The following GNB1L variants were observed in gnomAD, a reference collection of about 807,000 sequenced individuals.
The protein encoded by GNB1L is guanine nucleotide-binding protein subunit beta-like protein 1.
In GNB1L, 20 loss-of-function variants were observed where a neutral mutation model predicts 29.1. The ratio of observed to expected loss-of-function variants is 0.69; its 90% CI spans 0.48 to 1.00. GNB1L has a LOEUF of 1.00. GNB1L is among the 50% of genes least tolerant of loss of function. The pLI is 0.00. For synonymous variants in GNB1L, 193 were observed against 206.5 expected (o/e 0.93, Z 0.56); for missense variants, 421 against 464.9 (o/e 0.91, Z 0.87).
chr22:19,847,347 T>C, intron 2 of GNB1L: 3 of 985,474 alleles, frequency 3.0e-6, no homozygotes, highest in Non-Finnish European at 3.6e-6. Flanking sequence ...ACAGCTTTAT[T>C]TGCCTTGCTC....
chr22:19,813,144 C>T (rs1172634630), intron 4 of GNB1L, among the ~76,000 whole-genome samples: 1 of 152,134 alleles, frequency 6.6e-6, no homozygotes, highest in Non-Finnish European at 1.5e-5. Flanking sequence ...TGGGCAGATG[C>T]ACAGACAGAA....
chr22:19,840,576 G>A (rs1002344717), intron 2 of GNB1L, among the ~76,000 whole-genome samples: 2 of 152,136 alleles, frequency 1.3e-5, no homozygotes, highest in Non-Finnish European at 2.9e-5. Context: ...TTGGGAGGTC[G>A]AGGCGGGTGG....
At chr22:19,849,713 A>G in intron 2 of GNB1L, 1 of 985,372 alleles carries the variant, frequency 1.0e-6, no homozygotes, top group South Asian at 4.7e-5. Flanking sequence ...AGTTTTTCCT[A>G]AAATAGTTGG....
At chr22:19,810,889 G>A (rs906190730) in intron 5 of GNB1L, among the ~76,000 whole-genome samples, 13 of 152,246 alleles carry the variant, frequency 8.5e-5, no homozygotes, top group Non-Finnish European at 1.9e-4. Context: ...TGAAAGCTAG[G>A]AGGAGGGTTA....
intron 2 of GNB1L, among the ~76,000 whole-genome samples, chr22:19,844,842 G>C (rs1458122492): frequency 6.6e-6 from 1 of 152,224 alleles, no homozygotes; most frequent in African/African-American, 2.4e-5. Flanking sequence ...AAAGCTCACT[G>C]CTTTACAGGA....
At chr22:19,813,850 G>T (rs1937515351) in intron 4 of GNB1L, among the ~76,000 whole-genome samples, 1 of 152,064 alleles carries the variant, frequency 6.6e-6, no homozygotes, top group Admixed American at 6.6e-5. Context: ...ACAAAAATTG[G>T]CCAGGCATGG....
intron 7 of GNB1L, among the ~76,000 whole-genome samples, chr22:19,798,956 C>T (rs1235305744): frequency 1.3e-5 from 2 of 152,210 alleles, no homozygotes; most frequent in Non-Finnish European, 2.9e-5. Flanking sequence ...CAAGCCTCTC[C>T]TCCTGATGCG....
chr22:19,849,051 G>A lies in GNB1L; in HGVS notation c.-21+5392C>T, dbSNP rs568843963. 7 of 985,484 alleles carry A rather than the reference G, an allele frequency of 7.1e-6. No homozygotes were observed. The East Asian group carries it at 6.8e-4, about 96-fold the overall frequency. The allele number at this position is 985,484 out of a possible 1,614,324, so 61.0% of individuals were successfully genotyped here. On this transcript the variant is annotated intron_variant, in intron 2 of 7. Coordinates refer to ENST00000329517, the MANE Select transcript of GNB1L (RefSeq NM_053004.3). ...AGGGGGGATGGGGCCTGAGTCATCG[G>A]ACGGAGGGCAGCTGTGACCTGGCAC...
chr22:19,839,933 C>T (rs1037916236), intron 2 of GNB1L, among the ~76,000 whole-genome samples: 1 of 151,636 alleles, frequency 6.6e-6, no homozygotes, highest in Non-Finnish European at 1.5e-5. Flanking sequence ...TGTGTTGGCA[C>T]ATGTCTGTAG....
At chr22:19,844,058 A>G (rs1224103606) in intron 2 of GNB1L, among the ~76,000 whole-genome samples, 1 of 152,124 alleles carries the variant, frequency 6.6e-6, no homozygotes, top group East Asian at 1.9e-4. Flanking sequence ...CCAGAGACTG[A>G]GACCCACAGT....
chr22:19,815,525 G>A (rs1355394133), intron 4 of GNB1L, among the ~76,000 whole-genome samples: 1 of 152,232 alleles, frequency 6.6e-6, no homozygotes, highest in African/African-American at 2.4e-5. Flanking sequence ...CGCTCATATG[G>A]AGGGCACCCA....
At chr22:19,789,043 C>T (rs1937222468) in intron 7 of GNB1L, 83 bp from the exon 8 acceptor site, 1 of 1,430,212 alleles carries the variant, frequency 7.0e-7, no homozygotes, top group Admixed American at 2.0e-5. Flanking sequence ...GCAGCTGGAA[C>T]CAGGAGAGAC....
chr22:19,850,852 A>G (rs1938077824), intron 2 of GNB1L: 1 of 1,307,638 alleles, frequency 7.6e-7, no homozygotes, highest in East Asian at 2.8e-5. Context: ...TGATGCAACT[A>G]TCTGCTGAGA....
intron 2 of GNB1L, among the ~76,000 whole-genome samples, chr22:19,828,992 C>T (rs763459863): frequency 3.9e-5 from 6 of 152,130 alleles, no homozygotes; most frequent in Non-Finnish European, 8.8e-5. Context: ...CCACAGTGCC[C>T]GGCTAATTTC....
At position 19,790,416 on chromosome 22, in the gene GNB1L, A is replaced by G. The variant is rs151121933; in HGVS notation, c.733-1456T>C. Among the ~76,000 whole-genome samples the G allele has an allele frequency of 3.2e-3, 492 of 152,264 alleles. 1 individual carries two copies. Among genetic ancestry groups the G allele is most frequent in the African/African-American group, 0.011 (450 of 41,542 alleles). Reference sequence around the variant, plus strand: ...AGAGATTATCTGAGAACCCCCCACCATAAGTAATGACAAAAATAGCATTAT... The same window carrying G: ...AGAGATTATCTGAGAACCCCCCACCGTAAGTAATGACAAAAATAGCATTAT... On this transcript the variant is annotated intron_variant, in intron 7 of 7. Transcript: ENST00000329517.
chr22:19,808,835 A>G (rs974894652), intron 5 of GNB1L, among the ~76,000 whole-genome samples: 2 of 152,218 alleles, frequency 1.3e-5, no homozygotes, highest in African/African-American at 4.8e-5. Context: ...ATCCCAGCTA[A>G]GGGAGCAGTG....
chr22:19,838,459 AT>A (rs1415082430), intron 2 of GNB1L, among the ~76,000 whole-genome samples: 1 of 146,640 alleles, frequency 6.8e-6, no homozygotes, highest in African/African-American at 2.6e-5. Context: ...TTATTTATTT[AT>A]TTTTTTATTT....
chr22:19,838,473 A>T (rs928607521), intron 2 of GNB1L, among the ~76,000 whole-genome samples: 3 of 126,128 alleles, frequency 2.4e-5, no homozygotes, highest in African/African-American at 8.0e-5. Context: ...TTTTATTTTT[A>T]TTTTTATTTT....
intron 2 of GNB1L, among the ~76,000 whole-genome samples, chr22:19,853,362 G>A (rs1938154892): frequency 6.6e-6 from 1 of 152,140 alleles, no homozygotes; most frequent in African/African-American, 2.4e-5. Context: ...TCACCTAGGA[G>A]GCTCCAGAGC....
Sources: allele counts gnomAD v4.1 joint callset (sites outside exome capture counted in the v4.1 genomes callset), GRCh38; gene constraint gnomAD v4.1.1; transcripts MANE v1.5; gene names NCBI Gene and HGNC (gene_info 2026-07-23, HGNC 2026-07-21).